Variants in PLCH1 observed in about 807,000 individuals in gnomAD.
PLCH1 encodes the protein phospholipase C eta 1, also known as 1-phosphatidylinositol 4,5-bisphosphate phosphodiesterase eta-1.
PLCH1 carries 60 observed loss-of-function variants against 126.7 expected under a neutral mutation model. The ratio of observed to expected loss-of-function variants is 0.47; its 90% CI spans 0.38 to 0.59. PLCH1 has a LOEUF of 0.59. PLCH1 is among the 20% of genes least tolerant of loss of function. The pLI, the probability that PLCH1 is intolerant of heterozygous loss-of-function variation, is 0.00. For missense variants in PLCH1, 1,723 were observed against 2,040.0 expected, an observed-to-expected ratio of 0.84 and a Z score of 2.99; for synonymous variants, 719 against 734.9, an observed-to-expected ratio of 0.98 and a Z score of 0.35.
In PLCH1 at chr3:155,528,841, A is replaced by C. The variant is rs556197485; in HGVS notation, c.1363-4837T>G. ...CATGAGGTGAGGGAACAAAAAGAAG[A>C]AGCTGCCTCTCAGAGTATTCATAAG... On this transcript the variant is annotated intron_variant, in intron 10 of 22. Coordinates refer to ENST00000460012, the MANE Select transcript of PLCH1 (RefSeq NM_014996.4). Among the ~76,000 whole-genome samples the C allele has an allele frequency of 5.9e-5, 9 of 152,310 alleles. No homozygotes were observed. In the South Asian group the frequency reaches 6.2e-4, roughly 11 times the overall value.
chr3:155,632,261 A>G (rs1000054256), intron 2 of PLCH1, among the ~76,000 whole-genome samples: 1 of 152,206 alleles, frequency 6.6e-6, no homozygotes, highest in African/African-American at 2.4e-5. Flanking sequence ...TTGTAGTCAC[A>G]GAATACTCTA....
intron 21 of PLCH1, among the ~76,000 whole-genome samples, chr3:155,486,588 A>G (rs575714694): frequency 5.5e-5 from 8 of 144,830 alleles, no homozygotes; most frequent in African/African-American, 2.0e-4. Context: ...GCAGTGGCGC[A>G]ATCTCGGCTC....
intron 10 of PLCH1, among the ~76,000 whole-genome samples, chr3:155,529,582 A>G (rs114510465): frequency 0.012 from 1,791 of 152,242 alleles, 40 homozygotes; most frequent in African/African-American, 0.041. Context: ...TATTACGTCT[A>G]AAAAAAGTAC....
chr3:155,713,369 A>T lies in PLCH1; in HGVS notation c.-40-9105T>A, dbSNP rs73873404. Among the ~76,000 whole-genome samples, 807 of 152,346 alleles carry T rather than the reference A, an allele frequency of 5.3e-3. 9 individuals are homozygous for T. Among genetic ancestry groups the T allele is most frequent in the African/African-American group, 0.019 (772 of 41,578 alleles). ...TGTATAGATTAGAGATGATCAGAGC[A>T]AAGTGTCACTCCTTTGGGTATAAGA... On this transcript the variant is annotated intron_variant, in intron 1 of 22. Coordinates refer to ENST00000460012, the MANE Select transcript of PLCH1 (RefSeq NM_014996.4).
At chr3:155,505,891 G>GTT (rs545714401) in intron 12 of PLCH1, among the ~76,000 whole-genome samples, 137 of 148,020 alleles carry the variant, frequency 9.3e-4, no homozygotes, top group African/African-American at 3.1e-3. Flanking sequence ...CTCTTGGTCC[G>GTT]CTTTTTTTTT....
rs573068202 is a variant in PLCH1, at chr3:155,657,049, C to T, written c.79+47097G>A. Among the ~76,000 whole-genome samples, 83 of 121,204 alleles carry T rather than the reference C, an allele frequency of 6.8e-4. No individual in the cohort carries two copies. The South Asian group carries it at 0.021, about 31-fold the overall frequency. The allele number at this position is 121,204 out of a possible 152,430, so 79.5% of individuals were successfully genotyped here. ...TCTCATATATGAGTAACAACAAGGA[C>T]AAGTTTAAAAAAAAAAAAAAAAAGT... is the stretch of plus-strand genomic sequence containing the variant. On this transcript the variant is annotated intron_variant, in intron 2 of 22. Coordinates refer to ENST00000460012, the MANE Select transcript of PLCH1 (RefSeq NM_014996.4).
At position 155,482,573 on chromosome 3, in the gene PLCH1, G is replaced by C. The variant is rs772962885; in HGVS notation, c.3453C>G (p.Leu1151=). ...TSFSLSDVSM[L]CSDIPDLHST... ...AATGTAGGTCAGGTATGTCAGAACAGAGCATGGAGACGTCTGACAAAGAAA... is the reference window on the plus strand; with the variant it reads ...AATGTAGGTCAGGTATGTCAGAACACAGCATGGAGACGTCTGACAAAGAAA... Residue 1151 remains leucine (L), a synonymous_variant, in exon 23 of 23, where the codon CTC becomes CTG. Coordinates refer to ENST00000460012, the MANE Select transcript of PLCH1 (RefSeq NM_014996.4). 1.2e-6 allele frequency: 2 copies of C among 1,614,196 alleles called. No homozygotes were observed. The highest frequency in any genetic ancestry group is 1.7e-6 in the Non-Finnish European group (2 of 1,180,024).
chr3:155,526,111 TG>T (rs1349668261), intron 10 of PLCH1, among the ~76,000 whole-genome samples: 1 of 151,874 alleles, frequency 6.6e-6, no homozygotes, highest in African/African-American at 2.4e-5. Context: ...GGGTGGGAGG[TG>T]GAACAAAACC....
At chr3:155,596,152 C>T in intron 3 of PLCH1, 80 bp downstream of exon 3, 1 of 1,010,948 alleles carries the variant, frequency 9.9e-7, no homozygotes, top group African/African-American at 1.6e-5. Context: ...TTCCACAGAT[C>T]TGAAGCTTCA....
chr3:155,537,478 C>T (rs1442135535), intron 10 of PLCH1, among the ~76,000 whole-genome samples: 1 of 151,966 alleles, frequency 6.6e-6, no homozygotes, highest in African/African-American at 2.4e-5. Flanking sequence ...AATTCACCAA[C>T]CAAATATCTG....
chr3:155,473,405 G>A (rs1357412267), intron 21 of PLCH1, among the ~76,000 whole-genome samples: 1 of 152,182 alleles, frequency 6.6e-6, no homozygotes, highest in East Asian at 1.9e-4. Flanking sequence ...ACTACAAACT[G>A]CTGCTCAAGG....
chr3:155,719,881 C>T (rs867339790), intron 1 of PLCH1, among the ~76,000 whole-genome samples: 2 of 151,966 alleles, frequency 1.3e-5, no homozygotes, highest in African/African-American at 4.8e-5. Context: ...CTGCAACTTC[C>T]GCCTCTCGAG....
intron 21 of PLCH1, among the ~76,000 whole-genome samples, chr3:155,451,370 C>T (rs546802563): frequency 6.6e-6 from 1 of 152,198 alleles, no homozygotes; most frequent in Non-Finnish European, 1.5e-5. Context: ...TGAAAGACTG[C>T]CTTATCCAAG....
At chr3:155,614,128 T>C (rs7636800) in intron 2 of PLCH1, among the ~76,000 whole-genome samples, 73,880 of 151,914 alleles carry the variant, frequency 0.49, 20,338 homozygotes, top group African/African-American at 0.74. Context: ...CTACAAAACA[T>C]TGCTGAAAGA....
At chr3:155,713,118 G>A (rs563844286) in intron 1 of PLCH1, among the ~76,000 whole-genome samples, 1 of 152,006 alleles carries the variant, frequency 6.6e-6, no homozygotes, top group East Asian at 1.9e-4. Flanking sequence ...CCAGTCCAGA[G>A]CAACACTCCA....
intron 2 of PLCH1, among the ~76,000 whole-genome samples, chr3:155,669,655 T>C (rs1192307763): frequency 4.6e-5 from 7 of 152,142 alleles, no homozygotes; most frequent in Non-Finnish European, 1.0e-4. Flanking sequence ...AATAAGTTAG[T>C]AAATAAAAGG....
chr3:155,660,790 T>G (rs1742042169), intron 2 of PLCH1, among the ~76,000 whole-genome samples: 1 of 152,206 alleles, frequency 6.6e-6, no homozygotes. Context: ...AAAAATCCCT[T>G]GTTGAAAAAG....
chr3:155,618,336 C>T (rs887168828), intron 2 of PLCH1, among the ~76,000 whole-genome samples: 1 of 152,062 alleles, frequency 6.6e-6, no homozygotes, highest in African/African-American at 2.4e-5. Context: ...CTGACTAAAG[C>T]TCAATAGAAT....
chr3:155,642,306 TA>T (rs1277041735), intron 2 of PLCH1, among the ~76,000 whole-genome samples: 3 of 152,178 alleles, frequency 2.0e-5, no homozygotes, highest in African/African-American at 7.2e-5. Flanking sequence ...CTGCATTCTT[TA>T]GTATAATGAA....
Sources: gnomAD v4.1 joint callset for allele counts (sites outside exome capture counted in the v4.1 genomes callset) on GRCh38, gnomAD v4.1.1 for gene constraint, MANE v1.5 for transcripts, NCBI Gene and HGNC (gene_info 2026-07-23, HGNC 2026-07-21) for gene names.